The following DLGAP2 variants were observed in gnomAD, a reference collection of about 807,000 sequenced individuals.
DLGAP2 encodes disks large-associated protein 2.
In DLGAP2, 26 loss-of-function variants were observed where a neutral mutation model predicts 100.3. The ratio of observed to expected loss-of-function variants is 0.26; its 90% CI spans 0.19 to 0.36. The LOEUF is 0.36. Ranked by LOEUF, DLGAP2 falls within the 10% of genes least tolerant of loss-of-function variation. The probability of loss-of-function intolerance (pLI) is 1.00; values close to 1 mark genes in which losing one functional copy is unlikely to be tolerated. For missense variants in DLGAP2, 1,858 were observed against 1,453.2 expected (o/e 1.28, Z -4.53); for synonymous variants, 886 against 630.1 (o/e 1.41, Z -6.08).
intron 2 of DLGAP2, among the ~76,000 whole-genome samples, chr8:1,024,586 T>C (rs1372754077): frequency 6.6e-6 from 1 of 152,186 alleles, no homozygotes; most frequent in Non-Finnish European, 1.5e-5. Flanking sequence ...GGGTGCCTCC[T>C]TGCTTCCTTT....
intron 6 of DLGAP2, 68 bp from the exon 7 acceptor site, chr8:1,626,672 G>A (rs1797509886): frequency 6.5e-7 from 1 of 1,542,458 alleles, no homozygotes; most frequent in South Asian, 1.2e-5. Context: ...GGGTTGGATG[G>A]TCATTCCCAC....
In DLGAP2 at chr8:1,632,948, G is replaced by T; in HGVS notation, c.1712G>T (p.Ser571Ile). 1 of 1,613,996 alleles carries T rather than the reference G, an allele frequency of 6.2e-7. No homozygotes were observed. The highest frequency in any genetic ancestry group is 8.5e-7 in the Non-Finnish European group (1 of 1,179,886). ...LPGCFRTRSH[S>I]YLRAIQAGYS... Reference sequence around the variant, plus strand: ...GGATGTTTCCGAACAAGGAGTCACAGCTACCTTCGAGCCATTCAAGCCGGC... The same window carrying T: ...GGATGTTTCCGAACAAGGAGTCACATCTACCTTCGAGCCATTCAAGCCGGC... The change falls in exon 8 of 15, where the codon AGC becomes ATC. Residue 571 changes from serine to isoleucine, a missense_variant. Coordinates refer to ENST00000637795, the MANE Select transcript of DLGAP2 (RefSeq NM_001346810.2).
chr8:776,452 A>G lies in DLGAP2; in HGVS notation c.18+38627A>G, dbSNP rs1484555090. Among the ~76,000 whole-genome samples the G allele has an allele frequency of 7.2e-5, 11 of 152,084 alleles. No homozygotes were observed. The South Asian group carries it at 2.1e-3, about 29-fold the overall frequency. Reference sequence around the variant, plus strand: ...TTTGAATTGTGATGTTAGGGTGTCAATTTTGGATCTTTCCTGCTTTCTCTT... The same window carrying G: ...TTTGAATTGTGATGTTAGGGTGTCAGTTTTGGATCTTTCCTGCTTTCTCTT... On this transcript the variant is annotated intron_variant, in intron 1 of 14. Transcript: ENST00000637795.
chr8:1,468,956 C>A (rs1303795811), intron 3 of DLGAP2, among the ~76,000 whole-genome samples: 8 of 152,182 alleles, frequency 5.3e-5, no homozygotes, highest in African/African-American at 9.7e-5. Context: ...GGTATTAGGA[C>A]CACCTTCCCT....
At chr8:921,898 G>A (rs11776278) in intron 2 of DLGAP2, among the ~76,000 whole-genome samples, 10,326 of 152,328 alleles carry the variant, frequency 0.068, 497 homozygotes, top group Admixed American at 0.13. Flanking sequence ...ACGGCGAGAC[G>A]TTCGGGCAGA....
chr8:1,502,117 G>A (rs752223216), intron 4 of DLGAP2, among the ~76,000 whole-genome samples: 2 of 152,272 alleles, frequency 1.3e-5, no homozygotes, highest in East Asian at 1.9e-4. Flanking sequence ...AGCTGAAGAC[G>A]GAAGCCCCAT....
intron 3 of DLGAP2, among the ~76,000 whole-genome samples, chr8:1,359,447 A>T (rs1801927534): frequency 6.6e-6 from 1 of 152,268 alleles, no homozygotes; most frequent in Non-Finnish European, 1.5e-5. Context: ...GTTGGAGCCC[A>T]GGAACGTGGG....
intron 8 of DLGAP2, among the ~76,000 whole-genome samples, chr8:1,652,065 G>T (rs1193487565): frequency 1.3e-5 from 2 of 152,146 alleles, no homozygotes; most frequent in African/African-American, 4.8e-5. Flanking sequence ...TTTTTTTCTG[G>T]TCATACACTC....
intron 2 of DLGAP2, among the ~76,000 whole-genome samples, chr8:1,234,949 C>G (rs991037056): frequency 6.6e-6 from 1 of 152,232 alleles, no homozygotes; most frequent in African/African-American, 2.4e-5. Flanking sequence ...GTCTGCTTCT[C>G]TCTCACATGC....
intron 3 of DLGAP2, among the ~76,000 whole-genome samples, chr8:1,295,564 C>G (rs1410010893): frequency 6.6e-6 from 1 of 152,216 alleles, no homozygotes; most frequent in Non-Finnish European, 1.5e-5. Flanking sequence ...CTGGTCAGCC[C>G]CCGCTCCTGG....
chr8:859,114 CTT>C (rs113689898), intron 1 of DLGAP2, among the ~76,000 whole-genome samples: 128 of 142,390 alleles, frequency 9.0e-4, no homozygotes, highest in East Asian at 2.2e-3. Context: ...CCTTAGTCTT[CTT>C]TTTTTTTTTT....
rs1195385231 is a variant in DLGAP2 at position 1,607,865 on chromosome 8, C to G, written c.1443-18875C>G. On this transcript the variant is annotated intron_variant, in intron 6 of 14. Coordinates refer to ENST00000637795, the MANE Select transcript of DLGAP2 (RefSeq NM_001346810.2). Reference sequence around the variant, plus strand: ...AAAACGGCGCACCACGAGACTATATCCCACACCTGGCTCGGAGGGTCCTAC... The same window carrying G: ...AAAACGGCGCACCACGAGACTATATGCCACACCTGGCTCGGAGGGTCCTAC... Among the ~76,000 whole-genome samples the G allele has an allele frequency of 1.4e-4, 21 of 150,826 alleles. No homozygotes were observed. The South Asian group carries it at 3.6e-3, about 26-fold the overall frequency.
chr8:818,244 C>T (rs1417077228), intron 1 of DLGAP2, among the ~76,000 whole-genome samples: 2 of 152,146 alleles, frequency 1.3e-5, no homozygotes, highest in Non-Finnish European at 2.9e-5. Context: ...ATTATGGCTG[C>T]CTCTGCTGAG....
chr8:868,827 T>C (rs55990128), intron 1 of DLGAP2, among the ~76,000 whole-genome samples: 38,728 of 152,184 alleles, frequency 0.25, 5,454 homozygotes, highest in Non-Finnish European at 0.32. Context: ...GCGCGGTCAC[T>C]GCAGGCTGGA....
intron 2 of DLGAP2, among the ~76,000 whole-genome samples, chr8:979,892 C>T (rs1800279517): frequency 6.6e-6 from 1 of 152,186 alleles, no homozygotes; most frequent in East Asian, 1.9e-4. Context: ...TTGGGTTTGC[C>T]ATTCTGTGTT....
At chr8:927,380 G>C (rs1247620999) in intron 2 of DLGAP2, among the ~76,000 whole-genome samples, 5 of 152,250 alleles carry the variant, frequency 3.3e-5, no homozygotes, top group African/African-American at 1.2e-4. Flanking sequence ...TGTTTAAAAC[G>C]TTCTGGTCCC....
chr8:854,207 G>A (rs556365722), intron 1 of DLGAP2, among the ~76,000 whole-genome samples: 9 of 152,306 alleles, frequency 5.9e-5, no homozygotes, highest in African/African-American at 1.9e-4. Context: ...CAGCAGAGGG[G>A]ACTTGGGCTC....
chr8:1,491,678 C>G (rs1799396210), intron 3 of DLGAP2, among the ~76,000 whole-genome samples: 1 of 152,240 alleles, frequency 6.6e-6, no homozygotes, highest in South Asian at 2.1e-4. Context: ...AAGTAGGTGT[C>G]ACTTTTCATG....
chr8:1,435,049 C>G (rs1011704767), intron 3 of DLGAP2, among the ~76,000 whole-genome samples: 6 of 152,208 alleles, frequency 3.9e-5, no homozygotes, highest in Non-Finnish European at 7.3e-5. Context: ...TCAATGGTCA[C>G]TTTGGCTCCG....
Sources: gnomAD v4.1 joint callset for allele counts (sites outside exome capture counted in the v4.1 genomes callset) on GRCh38, gnomAD v4.1.1 for gene constraint, MANE v1.5 for transcripts, NCBI Gene and HGNC (gene_info 2026-07-23, HGNC 2026-07-21) for gene names.